Variants in ZNF385B observed in about 807,000 individuals in gnomAD.
ZNF385B encodes zinc finger protein 385B, also known as zinc finger protein 533.
A neutral mutation model predicts 39.2 loss-of-function variants in ZNF385B; 23 were observed. The ratio of observed to expected loss-of-function variants is 0.59; its 90% CI spans 0.42 to 0.83. The LOEUF is 0.83. Ranked by LOEUF, ZNF385B falls within the 40% of genes least tolerant of loss-of-function variation. ZNF385B has a pLI of 0.00. For missense variants in ZNF385B, 552 were observed against 598.9 expected (o/e 0.92, Z 0.82); for synonymous variants, 205 against 222.6 (o/e 0.92, Z 0.70).
At chr2:179,703,953 T>C (rs941158207) in intron 3 of ZNF385B, among the ~76,000 whole-genome samples, 2 of 152,208 alleles carry the variant, frequency 1.3e-5, no homozygotes, top group Non-Finnish European at 2.9e-5. Flanking sequence ...CCAAGTCAGA[T>C]GATAAATGAC....
At chr2:179,560,123 T>C (rs1211320090) in intron 3 of ZNF385B, among the ~76,000 whole-genome samples, 1 of 152,166 alleles carries the variant, frequency 6.6e-6, no homozygotes, top group African/African-American at 2.4e-5. Flanking sequence ...ATAATATTCT[T>C]TATATGGAAT....
intron 3 of ZNF385B, among the ~76,000 whole-genome samples, chr2:179,688,439 G>A (rs1339155991): frequency 1.3e-5 from 2 of 152,020 alleles, no homozygotes; most frequent in African/African-American, 4.8e-5. Context: ...TTCAAGACCA[G>A]CCTGGGCAAC....
intron 3 of ZNF385B, among the ~76,000 whole-genome samples, chr2:179,547,318 A>AT (rs2060296841): frequency 6.7e-6 from 1 of 149,320 alleles, no homozygotes; most frequent in African/African-American, 2.5e-5. Context: ...AATTTCCCCA[A>AT]TTTTTTCACA....
At chr2:179,750,323 A>T (rs1279071019) in intron 3 of ZNF385B, among the ~76,000 whole-genome samples, 1 of 152,108 alleles carries the variant, frequency 6.6e-6, no homozygotes, top group Non-Finnish European at 1.5e-5. Context: ...AATTAAATTT[A>T]TCTGGGGAGA....
chr2:179,760,221 T>TGCAC (rs1553525653), intron 3 of ZNF385B, among the ~76,000 whole-genome samples: 3 of 138,664 alleles, frequency 2.2e-5, no homozygotes, highest in African/African-American at 7.8e-5. Flanking sequence ...GATTCCTGTG[T>TGCAC]GCGTGTGTGT....
At chr2:179,708,102 G>A (rs1455146936) in intron 3 of ZNF385B, among the ~76,000 whole-genome samples, 1 of 152,210 alleles carries the variant, frequency 6.6e-6, no homozygotes, top group Non-Finnish European at 1.5e-5. Context: ...TGCCCTTACT[G>A]GATACTGAAG....
chr2:179,476,340 G>A (rs2053446195), intron 6 of ZNF385B, among the ~76,000 whole-genome samples: 1 of 152,132 alleles, frequency 6.6e-6, no homozygotes, highest in South Asian at 2.1e-4. Context: ...AATAAAAAGA[G>A]ATAAATACTA....
chr2:179,665,938 G>T (rs1021365154), intron 3 of ZNF385B, among the ~76,000 whole-genome samples: 1 of 152,054 alleles, frequency 6.6e-6, no homozygotes, highest in African/African-American at 2.4e-5. Flanking sequence ...GCAGCAAAAT[G>T]CTCTGACTGT....
chr2:179,494,897 T>G (rs2056034365), intron 5 of ZNF385B, among the ~76,000 whole-genome samples: 1 of 152,216 alleles, frequency 6.6e-6, no homozygotes, highest in Non-Finnish European at 1.5e-5. Flanking sequence ...AAAAGTTTTC[T>G]AATTTTTTAA....
Position 179,537,336 on chromosome 2 carries a change from A to T in ZNF385B, c.441+7491T>A, listed in dbSNP as rs879475332. Reference sequence around the variant, plus strand: ...AAAAAATAAATAAAAAAAAAATAAAAAAGAAAAGAAAAGGAAAAAGAAAGG... The same window carrying T: ...AAAAAATAAATAAAAAAAAAATAAATAAGAAAAGAAAAGGAAAAAGAAAGG... On this transcript the variant is annotated intron_variant, in intron 4 of 9. Transcript: ENST00000410066. Among the ~76,000 whole-genome samples, 732 of 146,168 alleles carry T rather than the reference A, an allele frequency of 5.0e-3. 4 individuals carry two copies. Among genetic ancestry groups the T allele is most frequent in the African/African-American group, 0.019 (696 of 36,450 alleles).
chr2:179,587,967 T>C (rs1687221279), intron 3 of ZNF385B, among the ~76,000 whole-genome samples: 1 of 152,098 alleles, frequency 6.6e-6, no homozygotes, highest in Non-Finnish European at 1.5e-5. Context: ...CCTTTAGGAG[T>C]TGATAGCACT....
chr2:179,739,325 T>C (rs1025711819), intron 3 of ZNF385B, among the ~76,000 whole-genome samples: 4 of 152,076 alleles, frequency 2.6e-5, no homozygotes, highest in African/African-American at 7.2e-5. Flanking sequence ...ATAGGCTGAG[T>C]GGTGAGAGAT....
At chr2:179,689,769 G>T (rs539653382) in intron 3 of ZNF385B, among the ~76,000 whole-genome samples, 1 of 147,756 alleles carries the variant, frequency 6.8e-6, no homozygotes, top group Non-Finnish European at 1.5e-5. Context: ...GAAGAAGAGC[G>T]TGAGGGCAGG....
intron 1 of ZNF385B, among the ~76,000 whole-genome samples, chr2:179,806,171 A>C (rs539357219): frequency 4.6e-5 from 7 of 152,352 alleles, no homozygotes; most frequent in Non-Finnish European, 1.0e-4. Flanking sequence ...AAATTTACCC[A>C]GATTAATGTC....
At chr2:179,731,698 G>T (rs1055187654) in intron 3 of ZNF385B, among the ~76,000 whole-genome samples, 1 of 152,178 alleles carries the variant, frequency 6.6e-6, no homozygotes, top group Non-Finnish European at 1.5e-5. Context: ...GGAGTGAGAG[G>T]ATCATTTGAG....
chr2:179,712,553 G>A (rs965708211), intron 3 of ZNF385B, among the ~76,000 whole-genome samples: 12 of 152,006 alleles, frequency 7.9e-5, no homozygotes, highest in Non-Finnish European at 1.8e-4. Context: ...TCTTGAATCT[G>A]TCCCTTTCCA....
intron 3 of ZNF385B, among the ~76,000 whole-genome samples, chr2:179,552,664 A>C (rs1217471206): frequency 6.7e-6 from 1 of 148,948 alleles, no homozygotes; most frequent in Non-Finnish European, 1.5e-5. Context: ...TTCTCTCAGC[A>C]TTTCTTTTCT....
Position 179,477,077 on chromosome 2 carries a change from A to G in ZNF385B, c.715+6195T>C, listed in dbSNP as rs535374675. Among the ~76,000 whole-genome samples, 4 of 152,286 alleles carry G rather than the reference A, an allele frequency of 2.6e-5. No homozygotes were observed. The East Asian group carries it at 7.7e-4, about 29-fold the overall frequency. On this transcript the variant is annotated intron_variant, in intron 6 of 9. Transcript: ENST00000410066. ...AGATAAGGGTGAGGAGGCAGCTAAG[A>G]AGACCTTGCTGGCTAACTGATGGAG...
At chr2:179,559,253 C>T (rs1238847291) in intron 3 of ZNF385B, among the ~76,000 whole-genome samples, 2 of 152,104 alleles carry the variant, frequency 1.3e-5, no homozygotes, top group Non-Finnish European at 2.9e-5. Context: ...GACTGGAAGA[C>T]AATGTGAGCT....
Sources: allele counts gnomAD v4.1 joint callset (sites outside exome capture counted in the v4.1 genomes callset), GRCh38; gene constraint gnomAD v4.1.1; transcripts MANE v1.5; gene names NCBI Gene and HGNC (gene_info 2026-07-23, HGNC 2026-07-21).